The following PTPRT variants were observed in gnomAD, a reference collection of about 807,000 sequenced individuals.
The protein encoded by PTPRT is receptor-type tyrosine-protein phosphatase T.
In PTPRT, 56 loss-of-function variants were observed where a neutral mutation model predicts 176.8. The observed-to-expected ratio is 0.32, with a 90% CI of 0.26 to 0.40. PTPRT has a LOEUF of 0.40. PTPRT is among the 10% of genes least tolerant of loss of function. The pLI, the probability that PTPRT is intolerant of heterozygous loss-of-function variation, is 1.00. For synonymous variants in PTPRT, 783 were observed against 739.0 expected, an observed-to-expected ratio of 1.06 and a Z score of -0.96; for missense variants, 1,540 against 1,908.2, an observed-to-expected ratio of 0.81 and a Z score of 3.60.
chr20:42,813,117 T>C (rs577709967), intron 2 of PTPRT, among the ~76,000 whole-genome samples: 1 of 152,346 alleles, frequency 6.6e-6, no homozygotes, highest in South Asian at 2.1e-4. Flanking sequence ...TTTCACTTTT[T>C]GCTGTCATTA....
chr20:42,519,992 T>A (rs984149197), intron 7 of PTPRT, among the ~76,000 whole-genome samples: 4 of 152,120 alleles, frequency 2.6e-5, no homozygotes, highest in African/African-American at 9.6e-5. Flanking sequence ...TTTCATCACA[T>A]AGCTTCATTT....
intron 5 of PTPRT, among the ~76,000 whole-genome samples, chr20:42,759,403 C>G (rs148900347): frequency 6.6e-6 from 1 of 152,202 alleles, no homozygotes; most frequent in Non-Finnish European, 1.5e-5. Flanking sequence ...TGGTGGCTCA[C>G]GCCTGTAATC....
intron 7 of PTPRT, among the ~76,000 whole-genome samples, chr20:42,493,687 T>C (rs938317985): frequency 6.6e-6 from 1 of 152,126 alleles, no homozygotes; most frequent in Non-Finnish European, 1.5e-5. Context: ...CCACAACAGC[T>C]GTCAGAGGGA....
intron 1 of PTPRT, among the ~76,000 whole-genome samples, chr20:43,057,681 A>G (rs990000574): frequency 6.6e-6 from 1 of 152,236 alleles, no homozygotes; most frequent in Non-Finnish European, 1.5e-5. Flanking sequence ...ATCTGAAAGT[A>G]TTTCAAAATA....
At chr20:42,901,715 CCT>C (rs1230688469) in intron 1 of PTPRT, among the ~76,000 whole-genome samples, 1 of 152,160 alleles carries the variant, frequency 6.6e-6, no homozygotes. Flanking sequence ...CATGCCCCCT[CCT>C]CTCTGGGTGT....
chr20:42,380,421 T>G (rs1003550043), intron 9 of PTPRT, among the ~76,000 whole-genome samples: 3 of 152,162 alleles, frequency 2.0e-5, no homozygotes, highest in African/African-American at 7.2e-5. Context: ...CTTCCCTCCA[T>G]GCACTCCTCA....
chr20:43,014,804 G>C (rs950338610), intron 1 of PTPRT, among the ~76,000 whole-genome samples: 1 of 152,186 alleles, frequency 6.6e-6, no homozygotes. Flanking sequence ...ATTCATTTCA[G>C]ACTAATTTGT....
chr20:42,118,636 G>GT, intron 20 of PTPRT, 136 bp from the exon 21 acceptor site: 1 of 594,738 alleles, frequency 1.7e-6, no homozygotes, highest in East Asian at 3.0e-5. Flanking sequence ...AAGACACCAA[G>GT]TATCTGAGAC....
At chr20:42,343,040 C>A (rs779515641) in intron 11 of PTPRT, among the ~76,000 whole-genome samples, 1 of 152,090 alleles carries the variant, frequency 6.6e-6, no homozygotes, top group Non-Finnish European at 1.5e-5. Flanking sequence ...ATCTTTCATA[C>A]CCCTGGTCCT....
intron 13 of PTPRT, among the ~76,000 whole-genome samples, chr20:42,261,809 G>A (rs554411510): frequency 1.3e-5 from 2 of 152,194 alleles, no homozygotes; most frequent in Admixed American, 1.3e-4. Context: ...CCCCTAAGGG[G>A]TGACTGTATT....
chr20:42,119,025 A>G (rs1987444062), intron 20 of PTPRT, among the ~76,000 whole-genome samples: 5 of 149,702 alleles, frequency 3.3e-5, no homozygotes, highest in Admixed American at 3.3e-4. Context: ...AAAAAAAAAA[A>G]AAAAAAAAAA....
intron 1 of PTPRT, among the ~76,000 whole-genome samples, chr20:42,965,037 T>C (rs907960516): frequency 1.3e-5 from 2 of 152,242 alleles, no homozygotes; most frequent in African/African-American, 4.8e-5. Flanking sequence ...TTGTAATTTA[T>C]AAACAAGTTC....
At position 42,780,210 on chromosome 20, in the gene PTPRT, A is replaced by G; in HGVS notation, c.568+8T>C. The G allele has an allele frequency of 6.2e-7, 1 of 1,610,814 alleles. No homozygotes were observed. The highest frequency in any genetic ancestry group is 1.1e-5 in the South Asian group (1 of 91,008). On this transcript the variant is annotated splice_region_variant and intron_variant, in intron 4 of 30. Coordinates refer to ENST00000373187, the MANE Select transcript of PTPRT (RefSeq NM_007050.6). ...CAAGGCTGTGTTGGGAGGAAGGGAA[A>G]GACTTACTGCATGGATGAGCAAGGA...
At chr20:42,576,201 T>C (rs2073257241) in intron 7 of PTPRT, among the ~76,000 whole-genome samples, 1 of 152,118 alleles carries the variant, frequency 6.6e-6, no homozygotes, top group Non-Finnish European at 1.5e-5. Context: ...TTTCTCTCCA[T>C]TAACAATTCC....
chr20:43,090,946 C>T (rs1233483735), intron 1 of PTPRT, among the ~76,000 whole-genome samples: 1 of 152,072 alleles, frequency 6.6e-6, no homozygotes, highest in South Asian at 2.1e-4. Flanking sequence ...TTTAAAAAAT[C>T]CTGGCTGGGC....
At chr20:42,160,676 T>C (rs1281399392) in intron 17 of PTPRT, among the ~76,000 whole-genome samples, 6 of 152,210 alleles carry the variant, frequency 3.9e-5, no homozygotes, top group Admixed American at 3.9e-4. Context: ...TGTATTGAGC[T>C]GCTGCCTGTC....
intron 3 of PTPRT, among the ~76,000 whole-genome samples, chr20:42,782,746 A>G (rs1393389500): frequency 1.3e-5 from 2 of 152,258 alleles, no homozygotes; most frequent in African/African-American, 4.8e-5. Context: ...AAAGAAATGC[A>G]AATAAACAGA....
intron 12 of PTPRT, among the ~76,000 whole-genome samples, chr20:42,288,870 G>C (rs1374439723): frequency 6.6e-6 from 1 of 151,874 alleles, no homozygotes; most frequent in Non-Finnish European, 1.5e-5. Context: ...CTTTTCTTTT[G>C]GGTATGTACC....
chr20:42,879,598 C>A (rs1258047894), intron 2 of PTPRT, among the ~76,000 whole-genome samples: 1 of 152,176 alleles, frequency 6.6e-6, no homozygotes, highest in Non-Finnish European at 1.5e-5. Flanking sequence ...CCCAAACAGA[C>A]CTCAACCCTC....
Sources: gnomAD v4.1 joint callset for allele counts (sites outside exome capture counted in the v4.1 genomes callset) on GRCh38, gnomAD v4.1.1 for gene constraint, MANE v1.5 for transcripts, NCBI Gene and HGNC (gene_info 2026-07-23, HGNC 2026-07-21) for gene names.